The following ADCY2 variants were observed in gnomAD, a reference collection of about 807,000 sequenced individuals.
ADCY2 encodes adenylate cyclase type 2.
ADCY2 carries 31 observed loss-of-function variants against 125.2 expected under a neutral mutation model. The ratio of observed to expected loss-of-function variants is 0.25; its 90% CI spans 0.19 to 0.33. The LOEUF is 0.33. ADCY2 is among the 10% of genes least tolerant of loss of function. The probability of loss-of-function intolerance (pLI) is 1.00; values close to 1 mark genes in which losing one functional copy is unlikely to be tolerated. For missense variants in ADCY2, 904 were observed against 1,418.2 expected (o/e 0.64, Z 5.82); for synonymous variants, 512 against 548.4 (o/e 0.93, Z 0.93).
intron 4 of ADCY2, among the ~76,000 whole-genome samples, chr5:7,653,014 T>C (rs1427611047): frequency 6.6e-6 from 1 of 152,214 alleles, no homozygotes; most frequent in African/African-American, 2.4e-5. Flanking sequence ...TCCATGATGC[T>C]GAGTTGTTTC....
intron 1 of ADCY2, among the ~76,000 whole-genome samples, chr5:7,405,820 C>T (rs1561007213): frequency 6.6e-6 from 1 of 152,186 alleles, no homozygotes; most frequent in Non-Finnish European, 1.5e-5. Context: ...ATTACTACAG[C>T]AGTCCACCTA....
intron 3 of ADCY2, among the ~76,000 whole-genome samples, chr5:7,525,837 C>A (rs532165529): frequency 1.3e-5 from 2 of 152,226 alleles, no homozygotes; most frequent in Admixed American, 6.5e-5. Flanking sequence ...TTTATTGGAC[C>A]AATTCGTGTC....
chr5:7,683,293 C>T (rs1740401592), intron 4 of ADCY2, among the ~76,000 whole-genome samples: 1 of 152,206 alleles, frequency 6.6e-6, no homozygotes, highest in South Asian at 2.1e-4. Flanking sequence ...GTGACCTCTC[C>T]CCACGTCAGA....
At chr5:7,654,539 A>G (rs1201538545) in intron 4 of ADCY2, among the ~76,000 whole-genome samples, 3 of 152,144 alleles carry the variant, frequency 2.0e-5, no homozygotes, top group African/African-American at 7.2e-5. Context: ...TTTCCCCCTT[A>G]CAGGAGGGAT....
At chr5:7,417,404 T>G (rs35313115) in intron 2 of ADCY2, among the ~76,000 whole-genome samples, 16,771 of 152,208 alleles carry the variant, frequency 0.11, 1,100 homozygotes, top group African/African-American at 0.18. Context: ...TTGTATAGAA[T>G]TTTCTTTCTC....
intron 8 of ADCY2, among the ~76,000 whole-genome samples, 188 bp downstream of exon 8, chr5:7,707,090 A>T (rs535446509): frequency 6.6e-6 from 1 of 152,086 alleles, no homozygotes; most frequent in African/African-American, 2.4e-5. Flanking sequence ...CTGCGTCACG[A>T]CCCCGTTGTC....
chr5:7,697,056 C>G (rs1020389689), intron 6 of ADCY2, among the ~76,000 whole-genome samples: 42 of 151,842 alleles, frequency 2.8e-4, no homozygotes, highest in African/African-American at 9.9e-4. Flanking sequence ...CTCCAATGTT[C>G]AGATGACATT....
chr5:7,517,642 G>T (rs926580285), intron 2 of ADCY2, among the ~76,000 whole-genome samples: 5 of 152,118 alleles, frequency 3.3e-5, no homozygotes, highest in African/African-American at 9.7e-5. Context: ...TTGCGCAATT[G>T]ACCCTTGAAA....
intron 1 of ADCY2, among the ~76,000 whole-genome samples, chr5:7,409,303 G>T (rs552003070): frequency 1.1e-4 from 17 of 152,224 alleles, no homozygotes; most frequent in Middle Eastern, 3.4e-3. Flanking sequence ...ATACCTGGGT[G>T]ATGAAATAAT....
intron 3 of ADCY2, among the ~76,000 whole-genome samples, chr5:7,615,369 A>G (rs757345247): frequency 6.6e-6 from 1 of 152,100 alleles, no homozygotes; most frequent in African/African-American, 2.4e-5. Flanking sequence ...TTTAACTGTC[A>G]CTTCATGTGA....
intron 3 of ADCY2, among the ~76,000 whole-genome samples, chr5:7,620,507 T>C (rs1165813570): frequency 5.3e-5 from 8 of 152,210 alleles, no homozygotes; most frequent in South Asian, 2.1e-4. Context: ...GTGTTCCTGA[T>C]TGTCACTAAA....
At chr5:7,530,684 G>A (rs1029511237) in intron 3 of ADCY2, among the ~76,000 whole-genome samples, 9 of 152,090 alleles carry the variant, frequency 5.9e-5, no homozygotes, top group Admixed American at 2.6e-4. Flanking sequence ...TTCATCCTCT[G>A]AGGATGATTT....
intron 1 of ADCY2, among the ~76,000 whole-genome samples, chr5:7,401,635 C>T (rs1040920327): frequency 5.9e-5 from 9 of 152,186 alleles, no homozygotes; most frequent in South Asian, 2.1e-4. Context: ...TAAATGTCCC[C>T]AGTGTCTTCC....
chr5:7,558,709 TG>T (rs1177168740), intron 3 of ADCY2, among the ~76,000 whole-genome samples: 1 of 152,212 alleles, frequency 6.6e-6, no homozygotes, highest in Non-Finnish European at 1.5e-5. Context: ...TTTCAATTTT[TG>T]CTTCTGTTGT....
rs558904778 is a variant in ADCY2 at position 7,631,237 on chromosome 5, T to A, written c.720+4921T>A. 2.5e-3 allele frequency among the ~76,000 whole-genome samples: 374 copies of A among 152,314 alleles called. 1 individual carries two copies. The highest frequency in any genetic ancestry group is 3.1e-3 in the Non-Finnish European group (209 of 68,026). ...CACCATCTCAAGATCTTTAATTTAA[T>A]CACATCCACAAAATCCCTGGTTTGC... On this transcript the variant is annotated intron_variant, in intron 4 of 24. Transcript: ENST00000338316.
intron 12 of ADCY2, among the ~76,000 whole-genome samples, chr5:7,722,997 T>TGCA (rs1282331409): frequency 5.1e-5 from 7 of 137,930 alleles, no homozygotes; most frequent in African/African-American, 1.9e-4. Flanking sequence ...GCATGTCCTT[T>TGCA]GCAAGGACAT....
chr5:7,644,767 T>C (rs1202201891), intron 4 of ADCY2, among the ~76,000 whole-genome samples: 1 of 152,166 alleles, frequency 6.6e-6, no homozygotes, highest in Non-Finnish European at 1.5e-5. Flanking sequence ...TGCTCTGTTA[T>C]ATAATTCTTT....
At chr5:7,680,540 G>C (rs978779239) in intron 4 of ADCY2, among the ~76,000 whole-genome samples, 1 of 152,198 alleles carries the variant, frequency 6.6e-6, no homozygotes, top group African/African-American at 2.4e-5. Flanking sequence ...GCTAATCAGA[G>C]TACATCTGAC....
chr5:7,710,149 T>G (rs1383785573), intron 10 of ADCY2, among the ~76,000 whole-genome samples: 1 of 151,590 alleles, frequency 6.6e-6, no homozygotes, highest in Non-Finnish European at 1.5e-5. Context: ...GAAAGTGGAG[T>G]TTTTCAGTCG....
Sources: allele counts gnomAD v4.1 joint callset (sites outside exome capture counted in the v4.1 genomes callset), GRCh38; gene constraint gnomAD v4.1.1; transcripts MANE v1.5; gene names NCBI Gene and HGNC (gene_info 2026-07-23, HGNC 2026-07-21).